NMT1: variants seen among roughly 807,000 people sequenced by gnomAD.
NMT1 encodes the protein glycylpeptide N-tetradecanoyltransferase 1.
A neutral mutation model predicts 63.4 loss-of-function variants in NMT1; 12 were observed. The ratio of observed to expected loss-of-function variants is 0.19; its 90% confidence interval spans 0.12 to 0.31. The LOEUF is 0.31. Ranked by LOEUF, NMT1 falls within the 10% of genes least tolerant of loss-of-function variation. The pLI is 1.00. For missense variants in NMT1, 432 were observed against 634.6 expected, an observed-to-expected ratio of 0.68 and a Z score of 3.43; for synonymous variants, 228 against 234.3, an observed-to-expected ratio of 0.97 and a Z score of 0.25.
intron 4 of NMT1, among the ~76,000 whole-genome samples, chr17:45,095,936 G>A (rs149347423): frequency 3.7e-4 from 57 of 152,278 alleles, no homozygotes; most frequent in African/African-American, 1.3e-3. Flanking sequence ...TGTTGATGGC[G>A]CAGAATGATG....
At chr17:45,094,980 T>C (rs2054114831) in intron 4 of NMT1, among the ~76,000 whole-genome samples, 1 of 151,510 alleles carries the variant, frequency 6.6e-6, no homozygotes, top group African/African-American at 2.4e-5. Flanking sequence ...GCATGGATAA[T>C]TTTTGTATTT....
intron 1 of NMT1, among the ~76,000 whole-genome samples, chr17:45,079,738 C>T (rs1030707628): frequency 2.0e-5 from 3 of 152,072 alleles, no homozygotes; most frequent in Admixed American, 6.6e-5. Context: ...CTCGCTCTGT[C>T]GCCCAGGCTG....
At chr17:45,064,845 G>A (rs117466961) in intron 1 of NMT1, among the ~76,000 whole-genome samples, 228 of 152,098 alleles carry the variant, frequency 1.5e-3, no homozygotes, top group East Asian at 0.015. Flanking sequence ...TCAAAGCTTG[G>A]CTCTGACACT....
Position 45,104,876 on chromosome 17 carries a change from C to A in NMT1, c.1350C>A (p.Phe450Leu). ...VLAKMKGFDV[F>L]NALDLMENKT... ...CTTTGCAGAAAGGGTTTGATGTGTT[C>A]AATGCACTGGATCTCATGGAGAACA... The change falls in exon 11 of 12, where the codon TTC (phenylalanine) becomes TTA (leucine). Residue 450 changes from phenylalanine (F) to leucine (L), a missense_variant. Physicochemically the swap from Phe to Leu is conservative, Grantham distance 22 (BLOSUM62 0). Coordinates refer to ENST00000258960, the MANE Select transcript of NMT1 (RefSeq NM_021079.5). This position sits in a 1 kb window ranked among gnomAD's most constrained non-coding sequence, Gnocchi z 4.2. 6.2e-7 allele frequency: 1 copy of A among 1,614,212 alleles called. No homozygotes were observed. Among genetic ancestry groups the A allele is most frequent in the South Asian group, 1.1e-5 (1 of 91,082 alleles).
chr17:45,066,882 T>G (rs1238654713), intron 1 of NMT1, among the ~76,000 whole-genome samples: 1 of 151,996 alleles, frequency 6.6e-6, no homozygotes, highest in Non-Finnish European at 1.5e-5. Flanking sequence ...CTGGCTAATT[T>G]TCTTTTTAAA....
chr17:45,093,589 G>A (rs1191765407), intron 3 of NMT1, 96 bp from the exon 4 acceptor site: 3 of 905,280 alleles, frequency 3.3e-6, no homozygotes, highest in African/African-American at 1.6e-5. Context: ...GGGCTCCTAG[G>A]GACAGGAGGA....
At chr17:45,065,974 A>G (rs1017615297) in intron 1 of NMT1, among the ~76,000 whole-genome samples, 28 of 151,750 alleles carry the variant, frequency 1.8e-4, no homozygotes, top group African/African-American at 6.8e-4. Context: ...AGCCTCCCAA[A>G]GTGCTGGGAT....
At chr17:45,069,274 T>TTATG (rs1369544897) in intron 1 of NMT1, among the ~76,000 whole-genome samples, 1 of 55,802 alleles carries the variant, frequency 1.8e-5, no homozygotes, top group African/African-American at 4.0e-5. Context: ...TTATTTTTTA[T>TTATG]TATTTATTTA....
intron 2 of NMT1, among the ~76,000 whole-genome samples, chr17:45,084,049 A>G (rs1021098288): frequency 2.6e-5 from 4 of 152,238 alleles, no homozygotes; most frequent in Admixed American, 6.5e-5. Flanking sequence ...TAAAAATATT[A>G]GAAGAAAATG....
chr17:45,102,103 G>C (rs2054170240), intron 8 of NMT1, among the ~76,000 whole-genome samples: 1 of 152,234 alleles, frequency 6.6e-6, no homozygotes, highest in South Asian at 2.1e-4. Flanking sequence ...TTCCCCTAAA[G>C]AGACGAGGAT....
At chr17:45,080,621 AC>A (rs1353411840) in intron 1 of NMT1, among the ~76,000 whole-genome samples, 1 of 151,016 alleles carries the variant, frequency 6.6e-6, no homozygotes, top group Non-Finnish European at 1.5e-5. Context: ...GGCGCCCGCC[AC>A]CGTGCCCGGC....
At chr17:45,079,949 C>T (rs1481695957) in intron 1 of NMT1, among the ~76,000 whole-genome samples, 2 of 152,144 alleles carry the variant, frequency 1.3e-5, no homozygotes, top group African/African-American at 4.8e-5. Flanking sequence ...CCGCCCGCCT[C>T]GGCCTCCCAA....
intron 1 of NMT1, among the ~76,000 whole-genome samples, chr17:45,077,004 T>C (rs148587551): frequency 0.01 from 1,589 of 152,354 alleles, 85 homozygotes; most frequent in Admixed American, 0.086. Context: ...CATGAGGTGA[T>C]AGCTACATGG....
At chr17:45,065,222 T>C (rs1350589492) in intron 1 of NMT1, among the ~76,000 whole-genome samples, 1 of 152,114 alleles carries the variant, frequency 6.6e-6, no homozygotes, top group Non-Finnish European at 1.5e-5. Context: ...CCAGTATTAG[T>C]GGAGTTTCAT....
At chr17:45,074,661 C>G (rs991338782) in intron 1 of NMT1, among the ~76,000 whole-genome samples, 3 of 152,152 alleles carry the variant, frequency 2.0e-5, no homozygotes, top group Non-Finnish European at 4.4e-5. Flanking sequence ...GTATGAACTG[C>G]CATCTGCCTT....
chr17:45,077,679 C>T (rs945586635), intron 1 of NMT1, among the ~76,000 whole-genome samples: 2 of 152,150 alleles, frequency 1.3e-5, no homozygotes, highest in South Asian at 2.1e-4. Context: ...CGTGAGCCAC[C>T]GCACCCAGCC....
intron 1 of NMT1, among the ~76,000 whole-genome samples, chr17:45,079,083 T>TTTTTC (rs1475348831): frequency 1.3e-5 from 2 of 151,980 alleles, no homozygotes; most frequent in Non-Finnish European, 2.9e-5. Context: ...GACTTTTCTT[T>TTTTTC]TTTTCTTTTC....
chr17:45,070,056 G>C (rs1034476990), intron 1 of NMT1, among the ~76,000 whole-genome samples: 1 of 152,052 alleles, frequency 6.6e-6, no homozygotes, highest in Non-Finnish European at 1.5e-5. Context: ...GTCTCATTCC[G>C]GTTTTAAGGA....
chr17:45,073,847 C>G (rs1464890462), intron 1 of NMT1, among the ~76,000 whole-genome samples: 1 of 152,202 alleles, frequency 6.6e-6, no homozygotes, highest in Non-Finnish European at 1.5e-5. Flanking sequence ...CATCTGTAAA[C>G]AACAAGTTAA....
Sources: allele counts gnomAD v4.1 joint callset (sites outside exome capture counted in the v4.1 genomes callset), GRCh38; gene constraint gnomAD v4.1.1; non-coding constraint Gnocchi (gnomAD v3.1); transcripts MANE v1.5; gene names NCBI Gene and HGNC (gene_info 2026-07-23, HGNC 2026-07-21).